The following GRM7 variants were observed in gnomAD, a reference collection of about 807,000 sequenced individuals.
GRM7 encodes metabotropic glutamate receptor 7.
GRM7 carries 35 observed loss-of-function variants against 84.5 expected under a neutral mutation model. That is an observed-to-expected ratio of 0.41 (90% CI 0.32 to 0.55). GRM7 has a LOEUF of 0.55. GRM7 is among the 20% of genes least tolerant of loss of function. GRM7 has a pLI of 0.19. For missense variants in GRM7, 1,003 were observed against 1,194.6 expected, an observed-to-expected ratio of 0.84 and a Z score of 2.36; for synonymous variants, 487 against 455.1, an observed-to-expected ratio of 1.07 and a Z score of -0.89.
chr3:7,731,190 A>G (rs1023811072), intron 9 of GRM7, among the ~76,000 whole-genome samples: 3 of 152,132 alleles, frequency 2.0e-5, no homozygotes, highest in Non-Finnish European at 4.4e-5. Flanking sequence ...TTTAGATGCA[A>G]AAAGAGGGGG....
rs116377190 is a variant in GRM7, at chr3:7,716,161, G to A, written c.2699-24196G>A. Among the ~76,000 whole-genome samples, 1,142 of 152,220 alleles carry A rather than the reference G, an allele frequency of 7.5e-3. 17 individuals are homozygous for A. Among genetic ancestry groups the A allele is most frequent in the African/African-American group, 0.026 (1,089 of 41,524 alleles). ...GAGAGCTTTCTAATCATGCTGTGGG[G>A]GGGTGTTTTCCTAGTTCAGAGACAT... On this transcript the variant is annotated intron_variant, in intron 9 of 9. Coordinates refer to ENST00000357716, the MANE Select transcript of GRM7 (RefSeq NM_000844.4).
chr3:7,460,952 T>G (rs1420468048), intron 6 of GRM7, among the ~76,000 whole-genome samples: 1 of 152,200 alleles, frequency 6.6e-6, no homozygotes, highest in Non-Finnish European at 1.5e-5. Context: ...AGATAGACAT[T>G]TTAGGAAGAT....
intron 1 of GRM7, among the ~76,000 whole-genome samples, chr3:7,028,140 G>T (rs1461391897): frequency 6.6e-6 from 1 of 152,116 alleles, no homozygotes; most frequent in East Asian, 1.9e-4. Context: ...CAGTTTCCCA[G>T]TGCTTAGCCT....
intron 8 of GRM7, among the ~76,000 whole-genome samples, chr3:7,668,205 TG>T (rs2125129934): frequency 6.6e-6 from 1 of 152,322 alleles, no homozygotes; most frequent in African/African-American, 2.4e-5. Flanking sequence ...GTGTGTGCCC[TG>T]GGAGCCTCAG....
At chr3:7,311,561 G>A (rs1418759411) in intron 4 of GRM7, among the ~76,000 whole-genome samples, 2 of 151,790 alleles carry the variant, frequency 1.3e-5, no homozygotes, top group African/African-American at 2.4e-5. Context: ...CTGCAATCTG[G>A]GCCGTCTCAA....
chr3:7,585,937 T>C (rs1695499365), intron 8 of GRM7, among the ~76,000 whole-genome samples: 1 of 152,188 alleles, frequency 6.6e-6, no homozygotes, highest in South Asian at 2.1e-4. Context: ...TTGTGAATTC[T>C]TTCCAACTTC....
intron 1 of GRM7, among the ~76,000 whole-genome samples, chr3:7,066,834 G>T (rs1019608183): frequency 2.0e-5 from 3 of 151,910 alleles, no homozygotes; most frequent in Admixed American, 1.3e-4. Flanking sequence ...ATGATCAAGT[G>T]GGTTTCATAC....
chr3:7,320,170 G>T (rs1473182187), intron 4 of GRM7, among the ~76,000 whole-genome samples: 2 of 151,972 alleles, frequency 1.3e-5, no homozygotes, highest in Non-Finnish European at 2.9e-5. Flanking sequence ...GTGTGTTTGT[G>T]TGTATCTATG....
At chr3:7,012,500 T>G (rs1695409332) in intron 1 of GRM7, among the ~76,000 whole-genome samples, 1 of 152,126 alleles carries the variant, frequency 6.6e-6, no homozygotes. Flanking sequence ...TATTTTAAAC[T>G]GAAAATATTT....
intron 1 of GRM7, among the ~76,000 whole-genome samples, chr3:7,142,350 A>G (rs1018584767): frequency 9.9e-5 from 15 of 152,168 alleles, no homozygotes; most frequent in African/African-American, 3.6e-4. Flanking sequence ...GGAAAGAGCT[A>G]TAATTGACTC....
chr3:7,432,446 G>A (rs1480797814), intron 5 of GRM7, among the ~76,000 whole-genome samples: 1 of 152,018 alleles, frequency 6.6e-6, no homozygotes, highest in East Asian at 1.9e-4. Context: ...TCAGCCTCCC[G>A]AGTAGCTGGG....
chr3:7,174,562 G>T (rs1695084145), intron 2 of GRM7, among the ~76,000 whole-genome samples: 1 of 152,184 alleles, frequency 6.6e-6, no homozygotes. Flanking sequence ...TACAATAAAA[G>T]TTTATTTCTA....
At position 6,861,594 on chromosome 3, in the gene GRM7, A is replaced by G. The variant is rs1319329043; in HGVS notation, c.206A>G (p.Asp69Gly). 1 of 1,610,216 alleles carries G rather than the reference A, an allele frequency of 6.2e-7. No homozygotes were observed. Among genetic ancestry groups the G allele is most frequent in the Non-Finnish European group, 8.5e-7 (1 of 1,177,904 alleles). ...GGTCCCAGCGGAGTGCCCTGCGGCGACATCAAGAGGGAAAACGGGATCCAC... is the reference window on the plus strand; with the variant it reads ...GGTCCCAGCGGAGTGCCCTGCGGCGGCATCAAGAGGGAAAACGGGATCCAC... ...AKGPSGVPCG[D>G]IKRENGIHRL... Residue 69 changes from aspartate (D) to glycine (G), a missense_variant, in exon 1 of 10, where the codon GAC becomes GGC. Transcript: ENST00000357716. This position sits in a 1 kb window ranked among gnomAD's most constrained non-coding sequence, Gnocchi z 6.4.
chr3:7,154,498 A>C (rs895617068), intron 2 of GRM7, among the ~76,000 whole-genome samples: 5 of 152,170 alleles, frequency 3.3e-5, no homozygotes, highest in African/African-American at 1.2e-4. Flanking sequence ...TTGAGAGGGT[A>C]TGAAAAGATC....
At chr3:6,951,721 A>G (rs1408726660) in intron 1 of GRM7, among the ~76,000 whole-genome samples, 2 of 152,194 alleles carry the variant, frequency 1.3e-5, no homozygotes, top group East Asian at 1.9e-4. Context: ...TCAGAAAAAA[A>G]TATATGTGTG....
chr3:7,031,090 G>T (rs1353542972), intron 1 of GRM7, among the ~76,000 whole-genome samples: 3 of 152,104 alleles, frequency 2.0e-5, no homozygotes, highest in African/African-American at 7.2e-5. Context: ...TAGAAAAAAA[G>T]TGTGAAATAA....
chr3:7,439,523 CTG>C (rs879419759), intron 5 of GRM7, among the ~76,000 whole-genome samples: 1 of 152,178 alleles, frequency 6.6e-6, no homozygotes, highest in Admixed American at 6.5e-5. Flanking sequence ...ACACCCAAAA[CTG>C]TGGCAGGCTA....
Position 7,296,325 on chromosome 3 carries a change from T to C in GRM7, c.737-2359T>C, listed in dbSNP as rs574327922. ...TTTTTAAGAATATTTGCAAATATGT[T>C]CCAAGTAATATTGTCTATATTTTAT... is the stretch of plus-strand genomic sequence containing the variant. On this transcript the variant is annotated intron_variant, in intron 2 of 9. Coordinates refer to ENST00000357716, the MANE Select transcript of GRM7 (RefSeq NM_000844.4). Among the ~76,000 whole-genome samples the C allele has an allele frequency of 8.5e-5, 13 of 152,254 alleles. No individual in the cohort carries two copies. In the East Asian group the frequency reaches 2.1e-3, roughly 25 times the overall value.
At chr3:7,459,646 C>T (rs540762992) in intron 6 of GRM7, among the ~76,000 whole-genome samples, 2 of 152,220 alleles carry the variant, frequency 1.3e-5, no homozygotes, top group Non-Finnish European at 1.5e-5. Context: ...TTCACTACCA[C>T]AAGAACAGTA....
Sources: allele counts gnomAD v4.1 joint callset (sites outside exome capture counted in the v4.1 genomes callset), GRCh38; gene constraint gnomAD v4.1.1; non-coding constraint Gnocchi (gnomAD v3.1); transcripts MANE v1.5; gene names NCBI Gene and HGNC (gene_info 2026-07-23, HGNC 2026-07-21).